The following TNFRSF10D variants were observed in gnomAD, a reference collection of about 807,000 sequenced individuals.
The protein encoded by TNFRSF10D is TNF receptor superfamily member 10d, also known as tumor necrosis factor receptor superfamily member 10D.
In TNFRSF10D, 28 loss-of-function variants were observed where a neutral mutation model predicts 42.1. The observed-to-expected ratio is 0.66, with a 90% CI of 0.49 to 0.91. The LOEUF (loss-of-function observed/expected upper bound fraction) is 0.91, where lower values mean the gene tolerates loss of function less well. Among genes scored for constraint, TNFRSF10D ranks in the 40% least tolerant of loss-of-function variants. The pLI is 0.00. For synonymous variants in TNFRSF10D, 186 were observed against 189.4 expected (o/e 0.98, Z 0.15); for missense variants, 503 against 486.1 (o/e 1.03, Z -0.33).
At chr8:23,147,189 G>T (rs969382531) in intron 3 of TNFRSF10D, 117 bp from the exon 4 acceptor site, 11 of 794,078 alleles carry the variant, frequency 1.4e-5, no homozygotes, top group Non-Finnish European at 2.1e-5. Context: ...AGTTCTGAGG[G>T]CTGGTTTCTG....
chr8:23,160,478 T>C (rs922339792), intron 1 of TNFRSF10D, among the ~76,000 whole-genome samples: 19 of 152,322 alleles, frequency 1.2e-4, no homozygotes, highest in Middle Eastern at 3.4e-3. Context: ...ATGGCTGCTA[T>C]TATTCAGAAG....
intron 3 of TNFRSF10D, among the ~76,000 whole-genome samples, chr8:23,147,744 T>C (rs980049801): frequency 1.3e-5 from 2 of 151,758 alleles, no homozygotes; most frequent in African/African-American, 4.8e-5. Context: ...CTGGCCAACA[T>C]GGAGAAACCC....
intron 2 of TNFRSF10D, among the ~76,000 whole-genome samples, chr8:23,152,842 A>AT (rs1253896064): frequency 6.6e-6 from 1 of 152,224 alleles, no homozygotes; most frequent in South Asian, 2.1e-4. Flanking sequence ...TTCCAATGAC[A>AT]TTTTTTACCA....
chr8:23,159,654 G>A (rs1056492332), intron 1 of TNFRSF10D, among the ~76,000 whole-genome samples: 2 of 152,044 alleles, frequency 1.3e-5, no homozygotes, highest in African/African-American at 2.4e-5. Flanking sequence ...ACCTGAGCTC[G>A]ACTTCGAGAC....
intron 1 of TNFRSF10D, among the ~76,000 whole-genome samples, chr8:23,156,876 A>C (rs148674295): frequency 4.1e-4 from 63 of 152,242 alleles, no homozygotes; most frequent in South Asian, 3.7e-3. Flanking sequence ...CCGTTTTGTC[A>C]GTTCTTTTTG....
In TNFRSF10D at chr8:23,137,716, T is replaced by C; in HGVS notation, c.*154A>G. On this transcript the variant is annotated 3_prime_UTR_variant, in exon 9 of 9. Transcript: ENST00000312584. Reference sequence around the variant, plus strand: ...TTCATAAAAATTACTCCAAGTGCGTTAACAAAGTTCTAGGACCATTGGTAA... The same window carrying C: ...TTCATAAAAATTACTCCAAGTGCGTCAACAAAGTTCTAGGACCATTGGTAA... 1 of 982,322 alleles carries C rather than the reference T, an allele frequency of 1.0e-6. No individual in the cohort carries two copies. The highest frequency in any genetic ancestry group is 1.5e-6 in the Non-Finnish European group (1 of 686,910). 60.9% of individuals were successfully genotyped at this position (982,322 alleles called of 1,614,324 possible). A position where few individuals can be genotyped will look rare whatever the true frequency, so the allele number is the denominator to read the frequency against.
intron 7 of TNFRSF10D, among the ~76,000 whole-genome samples, chr8:23,140,525 T>C (rs900106856): frequency 2.0e-5 from 3 of 152,142 alleles, no homozygotes; most frequent in Admixed American, 6.5e-5. Flanking sequence ...AAACATTCCA[T>C]GCTCATGGAT....
Position 23,144,600 on chromosome 8 carries a change from A to G in TNFRSF10D, c.804T>C (p.Val268=). ...LFRRRSCPSR[V]PGAEDNARNE... ...TGCGGGCATTGTCCTCCGCCCCAGG[A>G]ACTCGTGAAGGACATGAACGCCGCC... The change falls in exon 7 of 9, where the codon GTT becomes GTC. Residue 268 remains valine, a synonymous_variant. Coordinates refer to ENST00000312584, the MANE Select transcript of TNFRSF10D (RefSeq NM_003840.5). 6.2e-7 allele frequency: 1 copy of G among 1,614,110 alleles called. No individual in the cohort carries two copies. The highest frequency in any genetic ancestry group is 8.5e-7 in the Non-Finnish European group (1 of 1,180,008).
rs774123636 is a variant in TNFRSF10D at position 23,145,931 on chromosome 8, C to T, written c.483-10G>A. ...CATCCCTCTGGGACACCTGGGTACACACAGAGAGGGAGACAGGGACTCTTG... is the reference window on the plus strand; with the variant it reads ...CATCCCTCTGGGACACCTGGGTACATACAGAGAGGGAGACAGGGACTCTTG... On this transcript the variant is annotated splice_polypyrimidine_tract_variant and intron_variant, in intron 4 of 8. Coordinates refer to ENST00000312584, the MANE Select transcript of TNFRSF10D (RefSeq NM_003840.5). 6 of 1,613,912 alleles carry T rather than the reference C, an allele frequency of 3.7e-6. No individual in the cohort carries two copies. Among genetic ancestry groups the T allele is most frequent in the East Asian group, 4.5e-5 (2 of 44,888 alleles).
In TNFRSF10D at chr8:23,148,515, G is replaced by A. The variant is rs140280307; in HGVS notation, c.293C>T (p.Pro98Leu). 1.8e-5 allele frequency: 29 copies of A among 1,610,390 alleles called. No homozygotes were observed. The highest frequency in any genetic ancestry group is 1.7e-4 in the Middle Eastern group (1 of 6,060). Residue 98 changes from proline (P) to leucine (L), a missense_variant, in exon 3 of 9, where the codon CCG (proline) becomes CTG (leucine). Physicochemically the swap from Pro to Leu is moderately conservative, Grantham distance 98. Coordinates refer to ENST00000312584, the MANE Select transcript of TNFRSF10D (RefSeq NM_003840.5). The part of the protein sequence containing the change: ...HRSEYTGACN[P>L]CTEGVDYTIA... ...GGTGTAATCCACACCCTCTGTGCAC[G>A]GGTTACAGGCTCCAGTATATTCTGA...
chr8:23,155,603 C>T lies in TNFRSF10D; in HGVS notation c.151-624G>A, dbSNP rs568851652. Among the ~76,000 whole-genome samples, 12 of 151,792 alleles carry T rather than the reference C, an allele frequency of 7.9e-5. No individual in the cohort carries two copies. The East Asian group carries it at 1.9e-3, about 24-fold the overall frequency. Reference sequence around the variant, plus strand: ...GCATGGTGGCGGGCACCTGTAACCCCAGCTACTTGGGAGGCTGAGGCAGGA... The same window carrying T: ...GCATGGTGGCGGGCACCTGTAACCCTAGCTACTTGGGAGGCTGAGGCAGGA... On this transcript the variant is annotated intron_variant, in intron 1 of 8. Coordinates refer to ENST00000312584, the MANE Select transcript of TNFRSF10D (RefSeq NM_003840.5).
At chr8:23,141,862 T>G (rs1406987112) in intron 7 of TNFRSF10D, among the ~76,000 whole-genome samples, 1 of 152,240 alleles carries the variant, frequency 6.6e-6, no homozygotes, top group Non-Finnish European at 1.5e-5. Context: ...TTATATACTT[T>G]TGGTGGGAAT....
rs1241279013 is a variant in TNFRSF10D, at chr8:23,143,101, C to CTAG, written c.954+1348_954+1349insCTA. 9.7e-4 allele frequency among the ~76,000 whole-genome samples: 147 copies of CTAG among 152,088 alleles called. 2 individuals are homozygous for CTAG. Among genetic ancestry groups the CTAG allele is most frequent in the Admixed American group, 4.1e-3 (62 of 15,284 alleles). ...ACGCCATTCTCCTGCCTCAGCCTCC[C>CTAG]GAGTAGCTGGGACTACAGGCACCCG... is the stretch of plus-strand genomic sequence containing the variant. On this transcript the variant is annotated intron_variant, in intron 7 of 8. Transcript: ENST00000312584.
chr8:23,145,804 G>A lies in TNFRSF10D; in HGVS notation c.600C>T (p.Thr200=), dbSNP rs758031556. 1.2e-6 allele frequency: 2 copies of A among 1,614,210 alleles called. No homozygotes were observed. Among genetic ancestry groups the A allele is most frequent in the Non-Finnish European group, 1.7e-6 (2 of 1,180,024 alleles). Reference sequence around the variant, plus strand: ...GAGAGGCAAGCATCCCCAGGATGGTGGTCACTGTCTCCTCCGCTGCTGGGG... The same window carrying A: ...GAGAGGCAAGCATCCCCAGGATGGTAGTCACTGTCTCCTCCGCTGCTGGGG... ...GKTPAAEETV[T]TILGMLASPY... The change falls in exon 5 of 9, where the codon ACC becomes ACT. Residue 200 remains threonine, a synonymous_variant. Transcript: ENST00000312584.
intron 7 of TNFRSF10D, among the ~76,000 whole-genome samples, chr8:23,141,598 A>G (rs1160199250): frequency 1.3e-5 from 2 of 152,178 alleles, no homozygotes; most frequent in Non-Finnish European, 2.9e-5. Flanking sequence ...TCTAATATTC[A>G]GGAGCCATAT....
rs368991648 is a variant in TNFRSF10D at position 23,139,920 on chromosome 8, C to T, written c.955-1660G>A. On this transcript the variant is annotated intron_variant, in intron 7 of 8. Transcript: ENST00000312584. ...CAGCACTTTGGGAGGCCGAGGCAGG[C>T]GGATCACGATGTCAAGAGTTCAAGA... Among the ~76,000 whole-genome samples, 151 of 152,188 alleles carry T rather than the reference C, an allele frequency of 9.9e-4. 3 individuals carry two copies. In the South Asian group the frequency reaches 0.021, roughly 21 times the overall value.
chr8:23,149,098 G>A (rs1490196027), intron 2 of TNFRSF10D, among the ~76,000 whole-genome samples: 6 of 145,546 alleles, frequency 4.1e-5, no homozygotes, highest in Non-Finnish European at 7.5e-5. Flanking sequence ...GCTGAGGCAG[G>A]AGAATGGCGT....
At chr8:23,160,948 C>T (rs1036993758) in intron 1 of TNFRSF10D, among the ~76,000 whole-genome samples, 1 of 152,254 alleles carries the variant, frequency 6.6e-6, no homozygotes, top group African/African-American at 2.4e-5. Flanking sequence ...CTCCTCTGTT[C>T]CTCGATGGCC....
At chr8:23,149,979 T>A (rs1800193963) in intron 2 of TNFRSF10D, among the ~76,000 whole-genome samples, 1 of 152,096 alleles carries the variant, frequency 6.6e-6, no homozygotes, top group Non-Finnish European at 1.5e-5. Context: ...CTGACAGAAA[T>A]CATCCAACAT....
Sources: allele counts gnomAD v4.1 joint callset (sites outside exome capture counted in the v4.1 genomes callset), GRCh38; gene constraint gnomAD v4.1.1; transcripts MANE v1.5; gene names NCBI Gene and HGNC (gene_info 2026-07-23, HGNC 2026-07-21).